Variants in ZNF420 observed in about 807,000 individuals in gnomAD.
ZNF420 encodes ATM and p53-associated KZNF protein.
Under a neutral mutation model 44.7 loss-of-function variants are expected in ZNF420, and 31 were observed. The ratio of observed to expected loss-of-function variants is 0.69; its 90% CI spans 0.52 to 0.94. ZNF420 has a LOEUF of 0.94. Among genes scored for constraint, ZNF420 ranks in the 40% least tolerant of loss-of-function variants. The probability of loss-of-function intolerance (pLI) is 0.00; values close to 1 mark genes in which losing one functional copy is unlikely to be tolerated. For synonymous variants in ZNF420, 245 were observed against 267.4 expected (o/e 0.92, Z 0.82); for missense variants, 681 against 827.9 (o/e 0.82, Z 2.18).
At chr19:37,103,581 A>G (rs1465904632) in intron 4 of ZNF420, among the ~76,000 whole-genome samples, 4 of 152,204 alleles carry the variant, frequency 2.6e-5, no homozygotes, top group African/African-American at 9.7e-5. Flanking sequence ...AGCAGAAGAG[A>G]AGAGAGATTC....
chr19:37,071,749 T>C (rs570938184), intron 1 of ZNF420, among the ~76,000 whole-genome samples: 4 of 152,212 alleles, frequency 2.6e-5, no homozygotes, highest in African/African-American at 9.6e-5. Flanking sequence ...TGCAGTGAGC[T>C]GAGATCCTGC....
intron 4 of ZNF420, among the ~76,000 whole-genome samples, chr19:37,116,954 G>T (rs1269350939): frequency 1.3e-5 from 2 of 152,162 alleles, no homozygotes; most frequent in African/African-American, 2.4e-5. Context: ...AAAGCAGCCT[G>T]GAAGCTTGAA....
At chr19:37,123,599 CTTTTTTTT>C (rs762782458) in intron 4 of ZNF420, among the ~76,000 whole-genome samples, 22 of 80,326 alleles carry the variant, frequency 2.7e-4, no homozygotes, top group Non-Finnish European at 6.6e-5. Flanking sequence ...TTACTCTTGT[CTTTTTTTT>C]TTTTTTTTTT....
chr19:37,129,966 A>G lies in ZNF420; in HGVS notation c.*908A>G, dbSNP rs529506554. 2.8e-6 allele frequency: 4 copies of G among 1,439,044 alleles called. No homozygotes were observed. Among genetic ancestry groups the G allele is most frequent in the Non-Finnish European group, 3.7e-6 (4 of 1,094,500 alleles). 89.1% of individuals were successfully genotyped at this position (1,439,044 alleles called of 1,614,324 possible). ...GAAAAATGATGAGAGTTTGTGATACAGACTGCTTTTTTCCTACCCTATATC... is the reference window on the plus strand; with the variant it reads ...GAAAAATGATGAGAGTTTGTGATACGGACTGCTTTTTTCCTACCCTATATC... On this transcript the variant is annotated 3_prime_UTR_variant, in exon 5 of 5. Coordinates refer to ENST00000337995, the MANE Select transcript of ZNF420 (RefSeq NM_144689.5).
intron 4 of ZNF420, among the ~76,000 whole-genome samples, chr19:37,111,864 A>G (rs1443591376): frequency 6.6e-6 from 1 of 152,178 alleles, no homozygotes; most frequent in Non-Finnish European, 1.5e-5. Context: ...TTTTGGGATC[A>G]TGGCCGGAGA....
intron 1 of ZNF420, among the ~76,000 whole-genome samples, chr19:37,069,307 A>G (rs1968018788): frequency 1.3e-5 from 2 of 152,182 alleles, no homozygotes; most frequent in African/African-American, 4.8e-5. Context: ...GAAAATTAGA[A>G]AGACCTATAT....
At chr19:37,070,496 G>T (rs1968041188) in intron 1 of ZNF420, among the ~76,000 whole-genome samples, 1 of 152,046 alleles carries the variant, frequency 6.6e-6, no homozygotes, top group Non-Finnish European at 1.5e-5. Context: ...TATAAACTGG[G>T]ATATTTTCAA....
intron 1 of ZNF420, among the ~76,000 whole-genome samples, chr19:37,033,875 G>T (rs965660644): frequency 1.3e-5 from 2 of 152,122 alleles, no homozygotes; most frequent in African/African-American, 4.8e-5. Flanking sequence ...TGCTGCCTCA[G>T]CCTCCTGAGT....
At chr19:37,110,329 G>A (rs541445626) in intron 4 of ZNF420, among the ~76,000 whole-genome samples, 1 of 152,166 alleles carries the variant, frequency 6.6e-6, no homozygotes, top group Non-Finnish European at 1.5e-5. Flanking sequence ...ACTTGACACT[G>A]GGTGCAATGT....
chr19:37,109,686 G>A (rs1002093812), intron 4 of ZNF420: 2 of 152,182 alleles, frequency 1.3e-5, no homozygotes, highest in Non-Finnish European at 2.9e-5. Context: ...CAAACAGGAA[G>A]CTGATTTTCT....
intron 1 of ZNF420, among the ~76,000 whole-genome samples, chr19:37,059,848 GTGTC>G (rs1281676986): frequency 2.0e-5 from 3 of 152,056 alleles, no homozygotes; most frequent in African/African-American, 7.2e-5. Flanking sequence ...ATGTGTATGT[GTGTC>G]TGTCTGTGTC....
chr19:37,012,491 T>A lies in ZNF420; in HGVS notation c.-125+4409T>A, dbSNP rs576004428. Among the ~76,000 whole-genome samples the A allele has an allele frequency of 2.0e-5, 3 of 152,316 alleles. No individual in the cohort carries two copies. The South Asian group carries it at 6.2e-4, about 32-fold the overall frequency. On this transcript the variant is annotated intron_variant, in intron 1 of 4. Transcript: ENST00000587029. ...CCTCTCCAGGGTGTCAACAGGATGG[T>A]CTGCGGATGCCAAGAGTGGTGGAGG... is the stretch of plus-strand genomic sequence containing the variant.
chr19:37,047,086 T>C (rs1967555636), intron 1 of ZNF420, among the ~76,000 whole-genome samples: 1 of 151,928 alleles, frequency 6.6e-6, no homozygotes, highest in East Asian at 1.9e-4. Context: ...AGCCAATGTA[T>C]GCTATGAGCC....
At chr19:37,008,857 G>A (rs1163404740) in intron 1 of ZNF420, among the ~76,000 whole-genome samples, 1 of 152,206 alleles carries the variant, frequency 6.6e-6, no homozygotes. Flanking sequence ...CTTCAACAAA[G>A]AACACTTTCC....
At chr19:37,038,942 C>T (rs1599609703) in intron 1 of ZNF420, among the ~76,000 whole-genome samples, 1 of 151,354 alleles carries the variant, frequency 6.6e-6, no homozygotes, top group East Asian at 1.9e-4. Context: ...GTCGAGAACG[C>T]ACCATTGCAC....
chr19:37,041,044 C>G (rs891554956), intron 1 of ZNF420, among the ~76,000 whole-genome samples: 1 of 152,028 alleles, frequency 6.6e-6, no homozygotes, highest in South Asian at 2.1e-4. Flanking sequence ...AAAATCCCAG[C>G]CGGGCATGGT....
intron 1 of ZNF420, among the ~76,000 whole-genome samples, chr19:37,011,708 C>T (rs1390683853): frequency 6.6e-6 from 1 of 152,126 alleles, no homozygotes; most frequent in Non-Finnish European, 1.5e-5. Context: ...CCCCTTCCAC[C>T]AGGCACATAC....
chr19:37,037,047 C>A (rs1438564049), intron 1 of ZNF420, among the ~76,000 whole-genome samples: 1 of 152,192 alleles, frequency 6.6e-6, no homozygotes, highest in African/African-American at 2.4e-5. Context: ...ACTTGAGAAG[C>A]CTTGCGTACC....
At chr19:37,123,109 C>G (rs1013737122) in intron 4 of ZNF420, among the ~76,000 whole-genome samples, 2 of 152,140 alleles carry the variant, frequency 1.3e-5, no homozygotes, top group African/African-American at 4.8e-5. Flanking sequence ...ACCAACAAAT[C>G]CTCTGTAGTA....
Sources: allele counts gnomAD v4.1 joint callset (sites outside exome capture counted in the v4.1 genomes callset), GRCh38; gene constraint gnomAD v4.1.1; transcripts MANE v1.5; gene names NCBI Gene and HGNC (gene_info 2026-07-23, HGNC 2026-07-21).